COP1: variants seen among roughly 807,000 people sequenced by gnomAD.
COP1 encodes the protein COP1 E3 ubiquitin ligase, also known as E3 ubiquitin-protein ligase COP1.
A neutral mutation model predicts 101.3 loss-of-function variants in COP1; 24 were observed. The observed-to-expected ratio is 0.24, with a 90% CI of 0.17 to 0.33. The LOEUF is 0.33. Ranked by LOEUF, COP1 falls within the 10% of genes least tolerant of loss-of-function variation. COP1 has a pLI of 1.00. For missense variants in COP1, 663 were observed against 906.2 expected (o/e 0.73, Z 3.45); for synonymous variants, 347 against 341.9 (o/e 1.01, Z -0.17).
rs541943469 is a variant in COP1 at position 176,046,879 on chromosome 1, T to C, written c.1278-555A>G. Among the ~76,000 whole-genome samples the C allele has an allele frequency of 2.0e-5, 3 of 151,902 alleles. No individual in the cohort carries two copies. In the South Asian group the frequency reaches 6.3e-4, roughly 32 times the overall value. On this transcript the variant is annotated intron_variant, in intron 11 of 19. Transcript: ENST00000367669. The stretch of plus-strand genomic sequence containing the variant: ...TACTTTTCCCCAAATCCATACCTAA[T>C]CCCCCTCCCCAAATATCTCTCTGAA...
intron 8 of COP1, among the ~76,000 whole-genome samples, chr1:176,131,902 C>T (rs561364606): frequency 1.4e-3 from 213 of 151,816 alleles, no homozygotes; most frequent in African/African-American, 4.9e-3. Context: ...TGCCTATTTT[C>T]CCTTCTTGAA....
At chr1:176,012,104 A>T (rs1357855448) in intron 15 of COP1, among the ~76,000 whole-genome samples, 1 of 152,176 alleles carries the variant, frequency 6.6e-6, no homozygotes, top group African/African-American at 2.4e-5. Flanking sequence ...GGACTGCTTG[A>T]GCCCAAGAGT....
chr1:176,088,644 T>G (rs1178335695), intron 9 of COP1, among the ~76,000 whole-genome samples: 1 of 152,154 alleles, frequency 6.6e-6, no homozygotes, highest in East Asian at 1.9e-4. Context: ...TGCTTTTTCA[T>G]TATCCCTACA....
chr1:175,975,418 T>C (rs1654297083), intron 18 of COP1, among the ~76,000 whole-genome samples: 1 of 151,932 alleles, frequency 6.6e-6, no homozygotes, highest in East Asian at 1.9e-4. Flanking sequence ...TCCTTTTCTC[T>C]TTTTTTTGAG....
chr1:175,975,444 T>C (rs12038027), intron 18 of COP1, among the ~76,000 whole-genome samples: 114,812 of 152,040 alleles, frequency 0.76, 45,141 homozygotes, highest in East Asian at 0.92. Flanking sequence ...GTTTCACACT[T>C]TGTCACCCAG....
chr1:176,088,359 T>C (rs371048258), intron 9 of COP1, among the ~76,000 whole-genome samples: 5 of 152,158 alleles, frequency 3.3e-5, no homozygotes, highest in African/African-American at 1.2e-4. Flanking sequence ...AATTTCATTA[T>C]ATAAGGATTA....
intron 15 of COP1, among the ~76,000 whole-genome samples, chr1:176,003,306 T>C (rs1312213799): frequency 1.3e-5 from 2 of 152,344 alleles, no homozygotes; most frequent in East Asian, 1.9e-4. Context: ...AGGTTGCCTG[T>C]TCACTCTGAT....
chr1:176,004,394 G>A (rs370333684), intron 15 of COP1, among the ~76,000 whole-genome samples: 1 of 127,498 alleles, frequency 7.8e-6, no homozygotes, highest in African/African-American at 2.7e-5. Context: ...CTATGTTGAA[G>A]AGGAATGGTG....
intron 16 of COP1, chr1:175,989,049 T>C (rs1557856252): frequency 4.8e-6 from 1 of 206,910 alleles, no homozygotes; most frequent in African/African-American, 2.3e-5. Flanking sequence ...TTATCTCTTC[T>C]TTAGAAGCAA....
intron 3 of COP1, among the ~76,000 whole-genome samples, chr1:176,171,124 C>CAAAAAAAAA (rs1174700907): frequency 3.5e-5 from 2 of 56,832 alleles, no homozygotes; most frequent in East Asian, 5.8e-4. Context: ...GACTCCATCT[C>CAAAAAAAAA]AAAAAAAAAA....
intron 11 of COP1, among the ~76,000 whole-genome samples, chr1:176,064,528 A>AC (rs1395548041): frequency 6.6e-5 from 10 of 152,160 alleles, no homozygotes; most frequent in Non-Finnish European, 1.5e-5. Flanking sequence ...TAGTTACCAC[A>AC]CTCTAATACA....
chr1:175,960,051 A>G (rs940550315), intron 18 of COP1, among the ~76,000 whole-genome samples: 8 of 152,186 alleles, frequency 5.3e-5, no homozygotes, highest in African/African-American at 1.7e-4. Flanking sequence ...TTCATCACCT[A>G]AGAGAGGTCT....
intron 15 of COP1, among the ~76,000 whole-genome samples, chr1:176,023,735 A>AAAAAAAAAG (rs1553225858): frequency 9.3e-6 from 1 of 107,426 alleles, no homozygotes; most frequent in African/African-American, 3.2e-5. Flanking sequence ...AAAAAAAAAA[A>AAAAAAAAAG]AAAAGAAAAG....
At chr1:176,120,717 AAAG>A (rs1355614499) in intron 8 of COP1, among the ~76,000 whole-genome samples, 4 of 152,210 alleles carry the variant, frequency 2.6e-5, no homozygotes, top group Non-Finnish European at 1.5e-5. Flanking sequence ...TCCTAACTAG[AAAG>A]AAGATTATTA....
intron 14 of COP1, among the ~76,000 whole-genome samples, chr1:176,028,545 T>G (rs1201848149): frequency 1.4e-5 from 2 of 140,972 alleles, no homozygotes; most frequent in African/African-American, 2.6e-5. Flanking sequence ...AAAAATGAAA[T>G]GAAATGAAAT....
rs185863913 is a variant in COP1 at position 176,181,702 on chromosome 1, G to A, written c.467+2931C>T. On this transcript the variant is annotated intron_variant, in intron 2 of 19. Transcript: ENST00000367669. ...TAAAAGTACAAAAAATTAGCCGGGC[G>A]TGGTGGCACACGCCTGTAATCCCAG... Among the ~76,000 whole-genome samples, 621 of 152,144 alleles carry A rather than the reference G, an allele frequency of 4.1e-3. 6 individuals are homozygous for A. The highest frequency in any genetic ancestry group is 7.3e-3 in the South Asian group (35 of 4,816).
At chr1:175,991,385 TA>T (rs1193171026) in intron 15 of COP1, among the ~76,000 whole-genome samples, 2 of 152,008 alleles carry the variant, frequency 1.3e-5, no homozygotes, top group African/African-American at 4.8e-5. Context: ...ATATAAAAGG[TA>T]AAAAATGGTA....
chr1:176,200,118 C>A (rs1013226692), intron 1 of COP1, among the ~76,000 whole-genome samples: 5 of 152,140 alleles, frequency 3.3e-5, no homozygotes, highest in Admixed American at 6.6e-5. Flanking sequence ...GGCCACATTT[C>A]CTCATCTACA....
At chr1:176,106,734 C>A (rs1237360721) in intron 9 of COP1, among the ~76,000 whole-genome samples, 1 of 152,166 alleles carries the variant, frequency 6.6e-6, no homozygotes, top group Admixed American at 6.5e-5. Flanking sequence ...AAATTCTTAT[C>A]CCCAAATGCT....
Sources: gnomAD v4.1 joint callset for allele counts (sites outside exome capture counted in the v4.1 genomes callset) on GRCh38, gnomAD v4.1.1 for gene constraint, MANE v1.5 for transcripts, NCBI Gene and HGNC (gene_info 2026-07-23, HGNC 2026-07-21) for gene names.